SLC25A40: variants seen among roughly 807,000 people sequenced by gnomAD.
SLC25A40 encodes the protein mitochondrial glutathione transporter SLC25A40.
SLC25A40 carries 41 observed loss-of-function variants against 46.5 expected under a neutral mutation model. That is an observed-to-expected ratio of 0.88 (90% CI 0.69 to 1.14). The LOEUF (loss-of-function observed/expected upper bound fraction) is 1.14. Among genes scored for constraint, SLC25A40 ranks in the 50% most tolerant of loss-of-function variants. The pLI, the probability that SLC25A40 is intolerant of heterozygous loss-of-function variation, is 0.00. For synonymous variants in SLC25A40, 126 were observed against 127.5 expected (o/e 0.99, Z 0.08); for missense variants, 386 against 393.6 (o/e 0.98, Z 0.16).
At chr7:87,865,124 G>A (rs1298782965) in intron 1 of SLC25A40, among the ~76,000 whole-genome samples, 1 of 151,678 alleles carries the variant, frequency 6.6e-6, no homozygotes, top group African/African-American at 2.4e-5. Context: ...CTACAGGCAC[G>A]AGCCACCACT....
At chr7:87,855,873 A>C (rs1733597906) in intron 4 of SLC25A40, among the ~76,000 whole-genome samples, 1 of 152,182 alleles carries the variant, frequency 6.6e-6, no homozygotes, top group South Asian at 2.1e-4. Context: ...TTCTACATAA[A>C]CTACTATCCA....
chr7:87,863,626 T>C lies in SLC25A40; in HGVS notation c.-93-2986A>G, dbSNP rs528792134. Among the ~76,000 whole-genome samples the C allele has an allele frequency of 2.1e-4, 32 of 151,722 alleles. No individual in the cohort carries two copies. The South Asian group carries it at 6.5e-3, about 31-fold the overall frequency. ...GATGTACATGTTTTGGGGGTACATG[T>C]GATAATCTGATACATTAATATAGTG... is the stretch of plus-strand genomic sequence containing the variant. On this transcript the variant is annotated intron_variant, in intron 1 of 11. Coordinates refer to ENST00000341119, the MANE Select transcript of SLC25A40 (RefSeq NM_018843.4).
At chr7:87,867,278 A>T (rs894059411) in intron 1 of SLC25A40, among the ~76,000 whole-genome samples, 1 of 152,180 alleles carries the variant, frequency 6.6e-6, no homozygotes, top group African/African-American at 2.4e-5. Flanking sequence ...TCTTGTAGGT[A>T]ATCTTCATTC....
chr7:87,841,260 T>C (rs1393163346), intron 10 of SLC25A40, among the ~76,000 whole-genome samples: 1 of 151,168 alleles, frequency 6.6e-6, no homozygotes, highest in African/African-American at 2.4e-5. Flanking sequence ...ATTTATTTTA[T>C]TGGTTTACTT....
chr7:87,837,571 A>T (rs985265404), intron 10 of SLC25A40, among the ~76,000 whole-genome samples: 1 of 151,346 alleles, frequency 6.6e-6, no homozygotes, highest in African/African-American at 2.4e-5. Flanking sequence ...CTAATTTTTT[A>T]AAAACTCAGC....
chr7:87,850,095 T>A (rs1838485705), intron 5 of SLC25A40, 147 bp from the exon 6 acceptor site: 1 of 560,400 alleles, frequency 1.8e-6, no homozygotes, highest in Non-Finnish European at 3.1e-6. Context: ...CCATTCTTTT[T>A]AAAAAGGGAA....
chr7:87,836,852 AT>A lies in SLC25A40; in HGVS notation c.824-43del. ...AGAAATAATGCTATTATAAATAACA[AT>A]TTAATAATTCCTACTACAGATAACA... On this transcript the variant is annotated intron_variant, in intron 10 of 11. Coordinates refer to ENST00000341119, the MANE Select transcript of SLC25A40 (RefSeq NM_018843.4). The A allele has an allele frequency of 2.5e-6, 3 of 1,190,450 alleles. No individual in the cohort carries two copies. In the South Asian group the frequency reaches 4.9e-5, roughly 19 times the overall value. The allele number at this position is 1,190,450 out of a possible 1,614,324, so 73.7% of individuals were successfully genotyped here.
At chr7:87,857,608 G>A (rs543130490) in intron 3 of SLC25A40, among the ~76,000 whole-genome samples, 1 of 152,338 alleles carries the variant, frequency 6.6e-6, no homozygotes, top group East Asian at 1.9e-4. Context: ...ACATTTACCA[G>A]TTCCCAAATA....
At chr7:87,838,392 G>GTT (rs1838286206) in intron 10 of SLC25A40, among the ~76,000 whole-genome samples, 1 of 151,364 alleles carries the variant, frequency 6.6e-6, no homozygotes, top group Non-Finnish European at 1.5e-5. Flanking sequence ...ATCAACTGAA[G>GTT]GTAAGCCAAG....
At chr7:87,862,401 T>C (rs1251270328) in intron 1 of SLC25A40, among the ~76,000 whole-genome samples, 2 of 152,126 alleles carry the variant, frequency 1.3e-5, no homozygotes, top group African/African-American at 2.4e-5. Flanking sequence ...AATAATTTAC[T>C]CTAACTAACC....
At chr7:87,842,390 T>A (rs1358001704) in intron 9 of SLC25A40, 1 of 152,686 alleles carries the variant, frequency 6.5e-6, no homozygotes, top group Non-Finnish European at 1.5e-5. Flanking sequence ...CTTTTAGATA[T>A]GTTGTTGCAA....
At chr7:87,843,990 T>C (rs1838376001) in intron 8 of SLC25A40, 127 bp from the exon 9 acceptor site, 1 of 1,339,940 alleles carries the variant, frequency 7.5e-7, no homozygotes, top group Non-Finnish European at 9.5e-7. Context: ...GCTTTCTACT[T>C]AGACACCCAC....
At chr7:87,870,673 G>A (rs745602099) in intron 1 of SLC25A40, among the ~76,000 whole-genome samples, 9 of 152,212 alleles carry the variant, frequency 5.9e-5, no homozygotes, top group Middle Eastern at 3.2e-3. Flanking sequence ...ATGTCTGAGA[G>A]AAGCAGCTTA....
rs770218043 is a variant in SLC25A40 at position 87,849,961 on chromosome 7, T to C, written c.265-13A>G. 1.3e-6 allele frequency: 2 copies of C among 1,545,438 alleles called. No individual in the cohort carries two copies. The highest frequency in any genetic ancestry group is 2.3e-5 in the East Asian group (1 of 43,874). ...TAAAAAATGCATCCTAAAGTTATAA[T>C]AGAAAAAAAGTAATCAAAATATATC... On this transcript the variant is annotated splice_polypyrimidine_tract_variant and intron_variant, in intron 5 of 11. Transcript: ENST00000341119.
In SLC25A40 at chr7:87,847,197, T is replaced by G. The variant is rs141433041; in HGVS notation, c.458-75A>C. On this transcript the variant is annotated intron_variant, in intron 7 of 11. Coordinates refer to ENST00000341119, the MANE Select transcript of SLC25A40 (RefSeq NM_018843.4). ...ATGCAAACACATATACTGTAAAAAT[T>G]AATATTCACAGATTTTATATTTTAA... is the stretch of plus-strand genomic sequence containing the variant. 1.8e-5 allele frequency: 20 copies of G among 1,098,976 alleles called. No individual in the cohort carries two copies. The African/African-American group carries it at 2.7e-4, about 15-fold the overall frequency. The allele number at this position is 1,098,976 out of a possible 1,614,324, so 68.1% of individuals were successfully genotyped here.
intron 10 of SLC25A40, among the ~76,000 whole-genome samples, chr7:87,841,044 G>A (rs1464077240): frequency 1.3e-5 from 2 of 151,168 alleles, no homozygotes; most frequent in African/African-American, 2.4e-5. Flanking sequence ...AGGAGTATAC[G>A]TTTGTTCTAG....
At chr7:87,863,135 G>A (rs1355991065) in intron 1 of SLC25A40, among the ~76,000 whole-genome samples, 1 of 152,032 alleles carries the variant, frequency 6.6e-6, no homozygotes, top group East Asian at 1.9e-4. Context: ...TGATGTTAAG[G>A]CATGTATACT....
At chr7:87,840,784 G>C (rs914440441) in intron 10 of SLC25A40, among the ~76,000 whole-genome samples, 1 of 151,716 alleles carries the variant, frequency 6.6e-6, no homozygotes. Context: ...GTATTTGATA[G>C]GTCAAAGACA....
intron 10 of SLC25A40, among the ~76,000 whole-genome samples, chr7:87,837,704 G>A (rs929350918): frequency 1.3e-5 from 2 of 150,908 alleles, no homozygotes; most frequent in African/African-American, 4.9e-5. Context: ...ACTACTAGAT[G>A]CAATAAGATT....
Sources: gnomAD v4.1 joint callset for allele counts (sites outside exome capture counted in the v4.1 genomes callset) on GRCh38, gnomAD v4.1.1 for gene constraint, MANE v1.5 for transcripts, NCBI Gene and HGNC (gene_info 2026-07-23, HGNC 2026-07-21) for gene names.